Variants in PTPRJ observed in about 807,000 individuals in gnomAD.
PTPRJ encodes protein tyrosine phosphatase receptor type J.
Under a neutral mutation model 141.3 loss-of-function variants are expected in PTPRJ, and 129 were observed. The observed-to-expected ratio is 0.91, with a 90% confidence interval of 0.79 to 1.06. The LOEUF (loss-of-function observed/expected upper bound fraction) is 1.06, where lower values mean the gene tolerates loss of function less well. Among genes scored for constraint, PTPRJ ranks in the 50% least tolerant of loss-of-function variants. The probability of loss-of-function intolerance (pLI) is 0.00; values close to 1 mark genes in which losing one functional copy is unlikely to be tolerated. For missense variants in PTPRJ, 1,601 were observed against 1,679.7 expected (o/e 0.95, Z 0.82); for synonymous variants, 610 against 640.5 (o/e 0.95, Z 0.72).
chr11:47,995,142 T>C (rs1854299562), intron 1 of PTPRJ, among the ~76,000 whole-genome samples: 1 of 152,230 alleles, frequency 6.6e-6, no homozygotes, highest in Non-Finnish European at 1.5e-5. Flanking sequence ...TTTGTCACGA[T>C]AGGCCCTATT....
chr11:48,053,440 A>C (rs1410024251), intron 1 of PTPRJ, among the ~76,000 whole-genome samples: 2 of 113,604 alleles, frequency 1.8e-5, no homozygotes, highest in African/African-American at 6.9e-5. Flanking sequence ...AATATATATT[A>C]TATATTATAT....
intron 8 of PTPRJ, among the ~76,000 whole-genome samples, chr11:48,134,594 T>C (rs899587412): frequency 1.3e-5 from 2 of 152,150 alleles, no homozygotes; most frequent in African/African-American, 2.4e-5. Context: ...ATTTTTTTTG[T>C]TTTTTGGACA....
At chr11:48,053,865 G>A (rs1175240056) in intron 1 of PTPRJ, among the ~76,000 whole-genome samples, 3 of 149,558 alleles carry the variant, frequency 2.0e-5, no homozygotes, top group East Asian at 3.9e-4. Flanking sequence ...ATGAGCCACC[G>A]TGCCTGGCCA....
At chr11:48,096,628 T>G (rs1212025701) in intron 1 of PTPRJ, among the ~76,000 whole-genome samples, 3 of 151,294 alleles carry the variant, frequency 2.0e-5, no homozygotes, top group Non-Finnish European at 4.4e-5. Context: ...CACCCCTCAG[T>G]TCACCCCCCA....
intron 6 of PTPRJ, among the ~76,000 whole-genome samples, chr11:48,126,801 C>G (rs1490566954): frequency 5.7e-5 from 8 of 140,444 alleles, no homozygotes; most frequent in African/African-American, 2.0e-4. Context: ...CACACACACA[C>G]ACACACACAC....
At chr11:48,025,135 G>T (rs769953434) in intron 1 of PTPRJ, among the ~76,000 whole-genome samples, 8 of 152,130 alleles carry the variant, frequency 5.3e-5, no homozygotes, top group African/African-American at 1.4e-4. Flanking sequence ...TGGAATCTAG[G>T]GGGGGCATAC....
chr11:48,066,313 G>A (rs190354761), intron 1 of PTPRJ, among the ~76,000 whole-genome samples: 110 of 152,076 alleles, frequency 7.2e-4, no homozygotes, highest in Admixed American at 2.7e-3. Flanking sequence ...GGATGTCCTC[G>A]AAGACTTTCC....
At chr11:48,097,094 C>G (rs1162056940) in intron 1 of PTPRJ, among the ~76,000 whole-genome samples, 2 of 152,144 alleles carry the variant, frequency 1.3e-5, no homozygotes. Flanking sequence ...CATGGGGTAT[C>G]GAGTCTCAGG....
rs1465503815 is a variant in PTPRJ, at chr11:47,999,863, C to CTTCTTTTTTT, written c.96+18857_96+18858insCTTTTTTTTT. On this transcript the variant is annotated intron_variant, in intron 1 of 24. Transcript: ENST00000418331. ...CTTTTACTTTCATGCCGAGATTCTT[C>CTTCTTTTTTT]TTTTTTTTTTTGAGTCAGAGTCTCG... 1.1e-3 allele frequency among the ~76,000 whole-genome samples: 156 copies of CTTCTTTTTTT among 136,272 alleles called. 2 individuals are homozygous for CTTCTTTTTTT. The highest frequency in any genetic ancestry group is 3.7e-3 in the African/African-American group (124 of 33,534). 89.4% of individuals were successfully genotyped at this position (136,272 alleles called of 152,430 possible). A position where few individuals can be genotyped will look rare whatever the true frequency, so the allele number is the denominator to read the frequency against.
chr11:48,095,059 G>A (rs934763296), intron 1 of PTPRJ, among the ~76,000 whole-genome samples: 1 of 152,136 alleles, frequency 6.6e-6, no homozygotes, highest in Non-Finnish European at 1.5e-5. Flanking sequence ...TACCCATTTT[G>A]GACTTGCCTG....
intron 8 of PTPRJ, chr11:48,132,040 T>C (rs1450758828): frequency 1.7e-6 from 1 of 592,286 alleles, no homozygotes; most frequent in East Asian, 1.4e-4. Flanking sequence ...ATAACCTATG[T>C]AAATACAAAT....
At chr11:48,164,183 T>C (rs1181323014) in intron 23 of PTPRJ, among the ~76,000 whole-genome samples, 197 bp from the exon 24 acceptor site, 1 of 152,218 alleles carries the variant, frequency 6.6e-6, no homozygotes, top group East Asian at 1.9e-4. Context: ...AATGTGAGTT[T>C]GGGACTTAGG....
intron 1 of PTPRJ, among the ~76,000 whole-genome samples, chr11:47,988,991 C>A (rs1854122465): frequency 7.3e-6 from 1 of 137,130 alleles, no homozygotes; most frequent in Non-Finnish European, 1.5e-5. Context: ...TCATGCCATT[C>A]TCCTGCCTCA....
intron 1 of PTPRJ, among the ~76,000 whole-genome samples, chr11:48,071,701 C>T (rs368618394): frequency 6.7e-6 from 1 of 149,898 alleles, no homozygotes; most frequent in Admixed American, 6.7e-5. Context: ...CTCCACCTCC[C>T]GGGTTCAAGC....
chr11:48,076,481 G>A (rs1379025803), intron 1 of PTPRJ, among the ~76,000 whole-genome samples: 2 of 152,208 alleles, frequency 1.3e-5, no homozygotes, highest in Non-Finnish European at 2.9e-5. Context: ...GGGAGCTCTT[G>A]TGTTCAAAGG....
At chr11:48,139,806 G>A (rs948590135) in intron 11 of PTPRJ, 30 bp downstream of exon 11, 1 of 1,610,036 alleles carries the variant, frequency 6.2e-7, no homozygotes, top group Non-Finnish European at 8.5e-7. Flanking sequence ...CTGGTCAGTT[G>A]GCACTGTGAT....
At chr11:48,146,726 T>G in intron 14 of PTPRJ, 150 bp from the exon 15 acceptor site, 1 of 683,794 alleles carries the variant, frequency 1.5e-6, no homozygotes, top group Non-Finnish European at 2.7e-6. Flanking sequence ...CCCTTGTGTG[T>G]GTGTGCGCCT....
intron 1 of PTPRJ, among the ~76,000 whole-genome samples, chr11:47,997,846 T>C (rs915679861): frequency 7.1e-6 from 1 of 141,106 alleles, no homozygotes; most frequent in African/African-American, 3.1e-5. Flanking sequence ...TTTAGAGTGT[T>C]TAGAGGCCTC....
chr11:48,062,839 G>A (rs1854975869), intron 1 of PTPRJ, among the ~76,000 whole-genome samples: 1 of 152,234 alleles, frequency 6.6e-6, no homozygotes. Flanking sequence ...CTGGGGCTAA[G>A]ATTTGTTCCT....
Sources: gnomAD v4.1 joint callset for allele counts (sites outside exome capture counted in the v4.1 genomes callset) on GRCh38, gnomAD v4.1.1 for gene constraint, MANE v1.5 for transcripts, NCBI Gene and HGNC (gene_info 2026-07-23, HGNC 2026-07-21) for gene names.